The following AP2A1 variants were observed in gnomAD, a reference collection of about 807,000 sequenced individuals.
AP2A1 encodes adaptor related protein complex 2 subunit alpha 1, also known as AP-2 complex subunit alpha-1.
A neutral mutation model predicts 107.3 loss-of-function variants in AP2A1; 21 were observed. That is an observed-to-expected ratio of 0.20 (90% confidence interval 0.14 to 0.28). AP2A1 has a LOEUF of 0.28. AP2A1 is among the 10% of genes least tolerant of loss of function. The pLI, the probability that AP2A1 is intolerant of heterozygous loss-of-function variation, is 1.00. For missense variants in AP2A1, 873 were observed against 1,307.7 expected (o/e 0.67, Z 5.13); for synonymous variants, 602 against 564.8 (o/e 1.07, Z -0.93).
intron 22 of AP2A1, 155 bp downstream of exon 22, chr19:49,806,408 A>T (rs1466762648): frequency 7.0e-7 from 1 of 1,435,222 alleles, no homozygotes; most frequent in Admixed American, 2.9e-5. Flanking sequence ...TTTATCTATC[A>T]GTTTAATCTC....
At chr19:49,792,697 TC>T (rs1378039497) in intron 5 of AP2A1, among the ~76,000 whole-genome samples, 1 of 152,034 alleles carries the variant, frequency 6.6e-6, no homozygotes, top group African/African-American at 2.4e-5. Context: ...ACCTTGACTG[TC>T]CCACCCCCAC....
In AP2A1 at chr19:49,767,003, C is replaced by T. The variant is rs1377528430; in HGVS notation, c.-131C>T. 4.3e-6 allele frequency: 4 copies of T among 932,190 alleles called. No homozygotes were observed. The highest frequency in any genetic ancestry group is 5.8e-6 in the Non-Finnish European group (4 of 694,140). The allele number at this position is 932,190 out of a possible 1,614,324, so 57.7% of individuals were successfully genotyped here. A position where few individuals can be genotyped will look rare whatever the true frequency, so the allele number is the denominator to read the frequency against. On this transcript the variant is annotated 5_prime_UTR_variant, in exon 1 of 23. Coordinates refer to ENST00000354293, the MANE Select transcript of AP2A1 (RefSeq NM_130787.3). ...CCTGCCAGCCCGCCCGCCCGCCCGC[C>T]AGCCAGCCCTCCCCGCGGCCGGCTC...
In AP2A1 at chr19:49,802,001, C is replaced by G. The variant is rs1293979360; in HGVS notation, c.1974C>G (p.Ala658=). The G allele has an allele frequency of 1.3e-6, 2 of 1,535,038 alleles. No individual in the cohort carries two copies. The highest frequency in any genetic ancestry group is 2.1e-5 in the Admixed American group (1 of 48,566). The change falls in exon 15 of 23, where the codon GCC becomes GCG. Residue 658 remains alanine (A), a synonymous_variant. Transcript: ENST00000354293. ...PSTVSTPSPS[A]DLLGLRAAPP... Reference sequence around the variant, plus strand: ...TACAGTCGACGCCCTCGCCCTCCGCCGACCTCCTGGGGCTGCGGGCAGCCC... The same window carrying G: ...TACAGTCGACGCCCTCGCCCTCCGCGGACCTCCTGGGGCTGCGGGCAGCCC...
chr19:49,803,296 A>G lies in AP2A1; in HGVS notation c.2264A>G (p.Tyr755Cys). ...SEFRQNLGRMYLFYGNKTSVQ... is the reference protein window; with the variant it reads ...SEFRQNLGRMCLFYGNKTSVQ... ...CCCCCACCTACTGCAGGCCGCATGT[A>G]TCTCTTCTATGGCAACAAGACCTCG... is the stretch of plus-strand genomic sequence containing the variant. The change falls in exon 18 of 23, where the codon TAT becomes TGT. Residue 755 changes from tyrosine (Y) to cysteine (C), a missense_variant. Transcript: ENST00000354293. The G allele has an allele frequency of 6.2e-7, 1 of 1,613,916 alleles. No individual in the cohort carries two copies. Among genetic ancestry groups the G allele is most frequent in the South Asian group, 1.1e-5 (1 of 91,084 alleles).
At chr19:49,806,520 C>T (rs966582249) in intron 22 of AP2A1, 161 bp from the exon 23 acceptor site, 2 of 1,448,810 alleles carry the variant, frequency 1.4e-6, no homozygotes, top group Admixed American at 2.8e-5. Context: ...AATTTTCTTC[C>T]TCTCTGGCGC....
chr19:49,794,706 A>G (rs2073189464), intron 6 of AP2A1, among the ~76,000 whole-genome samples: 1 of 152,082 alleles, frequency 6.6e-6, no homozygotes, highest in Non-Finnish European at 1.5e-5. Context: ...CTTATTGCCC[A>G]GGCTGGAGTG....
rs530624628 is a variant in AP2A1, at chr19:49,785,379, T to C, written c.473+2655T>C. Among the ~76,000 whole-genome samples the C allele has an allele frequency of 1.3e-5, 2 of 152,228 alleles. No homozygotes were observed. Among genetic ancestry groups the C allele is most frequent in the African/African-American group, 4.8e-5 (2 of 41,542 alleles). ...AGTAGAGTCGATGGATTATATGTGCTGTGCTAGGATGAGGTGGGGACATTG... is the reference window on the plus strand; with the variant it reads ...AGTAGAGTCGATGGATTATATGTGCCGTGCTAGGATGAGGTGGGGACATTG... On this transcript the variant is annotated intron_variant, in intron 4 of 22. Coordinates refer to ENST00000354293, the MANE Select transcript of AP2A1 (RefSeq NM_130787.3). This position sits in a 1 kb window ranked among gnomAD's most constrained non-coding sequence, Gnocchi z 4.1.
rs540869888 is a variant in AP2A1, at chr19:49,787,185, C to CT, written c.473+4472dup. The stretch of plus-strand genomic sequence containing the variant: ...CCATGCCTGGCTAATTTTTGTATTT[C>CT]TTTTTTTTTTTGTAGAGATGGGGTT... On this transcript the variant is annotated intron_variant, in intron 4 of 22. Transcript: ENST00000354293. 2.9e-3 allele frequency among the ~76,000 whole-genome samples: 411 copies of CT among 142,310 alleles called. 1 individual carries two copies. The highest frequency in any genetic ancestry group is 4.2e-3 in the South Asian group (19 of 4,476). The allele number at this position is 142,310 out of a possible 152,430, so 93.4% of individuals were successfully genotyped here. A position where few individuals can be genotyped will look rare whatever the true frequency, so the allele number is the denominator to read the frequency against.
chr19:49,790,236 C>T (rs1481609195), intron 4 of AP2A1, among the ~76,000 whole-genome samples: 1 of 152,188 alleles, frequency 6.6e-6, no homozygotes, highest in African/African-American at 2.4e-5. Context: ...TGGCCCCTTC[C>T]CCCATCCCCA....
At chr19:49,784,930 T>G (rs1206677014) in intron 4 of AP2A1, among the ~76,000 whole-genome samples, 1 of 152,144 alleles carries the variant, frequency 6.6e-6, no homozygotes, top group Non-Finnish European at 1.5e-5. Context: ...ATTAGGTGTC[T>G]GAATTTAGTT....
chr19:49,775,056 C>T (rs1391677762), intron 1 of AP2A1, among the ~76,000 whole-genome samples: 1 of 151,834 alleles, frequency 6.6e-6, no homozygotes, highest in Non-Finnish European at 1.5e-5. Context: ...CTGTCTCTCC[C>T]CACCACAAAA....
In AP2A1 at chr19:49,798,782, C is replaced by G. The variant is rs751453982; in HGVS notation, c.815-20C>G. On this transcript the variant is annotated intron_variant, in intron 7 of 22. Coordinates refer to ENST00000354293, the MANE Select transcript of AP2A1 (RefSeq NM_130787.3). ...GGTGGGCAGGACACTCAGCCGGGGG[C>G]GTCCCCTTCGTTTCCCCAGAGGATG... is the stretch of plus-strand genomic sequence containing the variant. The G allele has an allele frequency of 6.3e-7, 1 of 1,597,136 alleles. No individual in the cohort carries two copies. Among genetic ancestry groups the G allele is most frequent in the Non-Finnish European group, 8.5e-7 (1 of 1,172,132 alleles).
At chr19:49,795,589 C>CCCCCCCCCCCCCCCCCAAACT in intron 6 of AP2A1, 41 bp from the exon 7 acceptor site, 1 of 738,744 alleles carries the variant, frequency 1.4e-6, no homozygotes, top group Non-Finnish European at 2.4e-6. Context: ...CGTGCCCCTC[C>CCCCCCCCCCCCCCCCCAAACT]CACCCCAGCC....
rs1323580113 is a variant in AP2A1 at position 49,785,147 on chromosome 19, G to A, written c.473+2423G>A. Among the ~76,000 whole-genome samples the A allele has an allele frequency of 6.6e-6, 1 of 152,178 alleles. No individual in the cohort carries two copies. Among genetic ancestry groups the A allele is most frequent in the Non-Finnish European group, 1.5e-5 (1 of 68,024 alleles). On this transcript the variant is annotated intron_variant, in intron 4 of 22. Transcript: ENST00000354293. The surrounding 1 kb of genome is among the most constrained non-coding windows in gnomAD (Gnocchi z 4.1). ...TAGGCAGTGTTCGAAGAGAGATAATGGTTGAAAATATTCCAGAATGGATGA... is the reference window on the plus strand; with the variant it reads ...TAGGCAGTGTTCGAAGAGAGATAATAGTTGAAAATATTCCAGAATGGATGA...
rs2073205291 is a variant in AP2A1, at chr19:49,795,745, A to G, written c.814+7A>G. On this transcript the variant is annotated splice_region_variant and intron_variant, in intron 7 of 22. Coordinates refer to ENST00000354293, the MANE Select transcript of AP2A1 (RefSeq NM_130787.3). ...CAGTGCTACCCGCCTCCAGGTAATG[A>G]ACGCCGTGCACTCCCCAACCCGGGG... 3 of 1,538,262 alleles carry G rather than the reference A, an allele frequency of 2.0e-6. No homozygotes were observed. The East Asian group carries it at 7.3e-5, about 37-fold the overall frequency.
intron 11 of AP2A1, 106 bp from the exon 12 acceptor site, chr19:49,800,855 G>T (rs2073269811): frequency 2.2e-6 from 2 of 907,916 alleles, no homozygotes; most frequent in Non-Finnish European, 3.3e-6. Context: ...AACCCCACCT[G>T]CAGCAGAGCT....
At chr19:49,789,152 G>T (rs980229689) in intron 4 of AP2A1, among the ~76,000 whole-genome samples, 1 of 152,160 alleles carries the variant, frequency 6.6e-6, no homozygotes, top group Non-Finnish European at 1.5e-5. Flanking sequence ...TCTCCCCTCT[G>T]AGGACTTCTC....
At chr19:49,776,632 C>A (rs1600217496) in intron 1 of AP2A1, among the ~76,000 whole-genome samples, 1 of 93,156 alleles carries the variant, frequency 1.1e-5, no homozygotes, top group African/African-American at 3.8e-5. Context: ...CTCATTCCCC[C>A]TGTTGCTGGC....
chr19:49,770,389 A>G (rs1654036288), intron 1 of AP2A1, among the ~76,000 whole-genome samples: 1 of 152,144 alleles, frequency 6.6e-6, no homozygotes, highest in Admixed American at 6.5e-5. Flanking sequence ...AACGGCTGGT[A>G]TGTCTCAAGA....
Sources: gnomAD v4.1 joint callset for allele counts (sites outside exome capture counted in the v4.1 genomes callset) on GRCh38, gnomAD v4.1.1 for gene constraint, Gnocchi (gnomAD v3.1) non-coding constraint, MANE v1.5 for transcripts, NCBI Gene and HGNC (gene_info 2026-07-23, HGNC 2026-07-21) for gene names.